ATG4D: variants seen among roughly 807,000 people sequenced by gnomAD.
ATG4D encodes autophagy related 4D cysteine peptidase, also known as cysteine protease ATG4D.
In ATG4D, 51 loss-of-function variants were observed where a neutral mutation model predicts 55.2. The ratio of observed to expected loss-of-function variants is 0.92; its 90% CI spans 0.74 to 1.17. The LOEUF (loss-of-function observed/expected upper bound fraction) is 1.17, where lower values mean the gene tolerates loss of function less well. ATG4D is among the 50% of genes most tolerant of loss of function. The pLI is 0.00. For synonymous variants in ATG4D, 268 were observed against 266.2 expected (o/e 1.01, Z -0.07); for missense variants, 635 against 649.6 (o/e 0.98, Z 0.25).
chr19:10,552,147 TG>T (rs1916278281), intron 8 of ATG4D, 26 bp downstream of exon 8: 1 of 1,611,840 alleles, frequency 6.2e-7, no homozygotes, highest in East Asian at 2.2e-5. Flanking sequence ...AGTGTGTGGT[TG>T]GGGCCATGGC....
Position 10,553,295 on chromosome 19 carries a change from G to C in ATG4D, c.*228G>C. ...TGGCAGGGTAGGGAAGGAGGACCCCGGGCACCCCCCTCAGGGCCTGACTCA... is the reference window on the plus strand; with the variant it reads ...TGGCAGGGTAGGGAAGGAGGACCCCCGGCACCCCCCTCAGGGCCTGACTCA... On this transcript the variant is annotated 3_prime_UTR_variant, in exon 10 of 10. Transcript: ENST00000309469. The C allele has an allele frequency of 1.8e-6, 1 of 543,750 alleles. No individual in the cohort carries two copies. The highest frequency in any genetic ancestry group is 3.1e-5 in the South Asian group (1 of 32,622). 33.7% of individuals were successfully genotyped at this position (543,750 alleles called of 1,614,324 possible). A position where few individuals can be genotyped will look rare whatever the true frequency, so the allele number is the denominator to read the frequency against.
chr19:10,544,803 A>T lies in ATG4D; in HGVS notation c.256A>T (p.Thr86Ser), dbSNP rs1450441649. 6.2e-7 allele frequency: 1 copy of T among 1,614,116 alleles called. No homozygotes were observed. Among genetic ancestry groups the T allele is most frequent in the East Asian group, 2.2e-5 (1 of 44,886 alleles). The change falls in exon 2 of 10, where the codon ACC becomes TCC. Residue 86 changes from threonine (T) to serine (S), a missense_variant. By Grantham distance (58) the Thr-to-Ser change is moderately conservative. Transcript: ENST00000309469. ...VKYGWVVKSR[T>S]SFSKISSIHL... ...CCCAGGTTGGGTGGTTAAAAGCCGG[A>T]CCAGCTTTAGCAAGATCTCCAGCAT...
chr19:10,547,325 T>C (rs1246873939), intron 5 of ATG4D, 72 bp downstream of exon 5: 1 of 1,545,930 alleles, frequency 6.5e-7, no homozygotes, highest in African/African-American at 1.4e-5. Flanking sequence ...ATTCTTAGAG[T>C]GCATCTTCCT....
intron 3 of ATG4D, 100 bp from the exon 4 acceptor site, chr19:10,546,739 C>T (rs537653535): frequency 1.7e-5 from 21 of 1,208,216 alleles, no homozygotes; most frequent in Admixed American, 7.6e-5. Flanking sequence ...TGTTGAATTA[C>T]GGGGTTCAGG....
chr19:10,552,604 TG>T (rs1394763416), intron 9 of ATG4D, among the ~76,000 whole-genome samples: 1 of 152,146 alleles, frequency 6.6e-6, no homozygotes, highest in Admixed American at 6.6e-5. Context: ...TCTACCCTTA[TG>T]GGGGCGAGAG....
Position 10,548,003 on chromosome 19 carries a change from A to ATT in ATG4D, c.835+794_835+795dup, listed in dbSNP as rs60924749. 3.4e-4 allele frequency among the ~76,000 whole-genome samples: 12 copies of ATT among 35,000 alleles called. 3 individuals are homozygous for ATT. Among genetic ancestry groups the ATT allele is most frequent in the Admixed American group, 1.3e-3 (3 of 2,238 alleles). 23.0% of individuals were successfully genotyped at this position (35,000 alleles called of 152,430 possible). A position where few individuals can be genotyped will look rare whatever the true frequency, so the allele number is the denominator to read the frequency against. On this transcript the variant is annotated intron_variant, in intron 5 of 9. Coordinates refer to ENST00000309469, the MANE Select transcript of ATG4D (RefSeq NM_032885.6). Reference sequence around the variant, plus strand: ...TGAGCCACTGTGCCCAGCCCCTGTAATTTTTTTTTTTTTTTTTTTTTTTTT... The same window carrying ATT: ...TGAGCCACTGTGCCCAGCCCCTGTAATTTTTTTTTTTTTTTTTTTTTTTTTTT...
Position 10,544,964 on chromosome 19 carries a change from A to G in ATG4D, c.327A>G (p.Ile109Met). 1 of 1,590,366 alleles carries G rather than the reference A, an allele frequency of 6.3e-7. No homozygotes were observed. The highest frequency in any genetic ancestry group is 8.6e-7 in the Non-Finnish European group (1 of 1,167,384). ...ACAGACCCGCTCTTGTAGGTGACAT[A>G]CAGCGTTTCCAGCGGGACTTTGTGT... ...RRYRFEGEGD[I>M]QRFQRDFVSR... The change falls in exon 3 of 10, where the codon ATA (isoleucine) becomes ATG (methionine). Residue 109 changes from isoleucine to methionine, a missense_variant. Ile to Met is a conservative substitution (Grantham distance 10). Transcript: ENST00000309469.
intron 1 of ATG4D, 37 bp from the exon 2 acceptor site, chr19:10,544,746 C>CTTCA: frequency 6.8e-6 from 11 of 1,611,704 alleles, no homozygotes; most frequent in Non-Finnish European, 8.5e-6. Flanking sequence ...CATGCAAGTG[C>CTTCA]TTCATCTCGC....
chr19:10,544,229 C>G lies in ATG4D; in HGVS notation c.139C>G (p.Pro47Ala), dbSNP rs1915958608. 8.0e-7 allele frequency: 1 copy of G among 1,256,300 alleles called. No homozygotes were observed. Among genetic ancestry groups the G allele is most frequent in the Non-Finnish European group, 1.0e-6 (1 of 992,344 alleles). 77.8% of individuals were successfully genotyped at this position (1,256,300 alleles called of 1,614,324 possible). A position where few individuals can be genotyped will look rare whatever the true frequency, so the allele number is the denominator to read the frequency against. Residue 47 changes from proline (P) to alanine (A), a missense_variant, in exon 1 of 10, where the codon CCC becomes GCC. Pro to Ala is a conservative substitution (Grantham distance 27, BLOSUM62 -1). Coordinates refer to ENST00000309469, the MANE Select transcript of ATG4D (RefSeq NM_032885.6). The part of the protein sequence containing the change: ...NGLGPSGASG[P>A]ALGSPGAGPS... ...CCTGGGGCCTTCCGGAGCCAGCGGC[C>G]CCGCTCTTGGCTCTCCCGGGGCTGG...
chr19:10,551,849 T>TTTGCCAAGCG (rs1328140058), intron 6 of ATG4D, 48 bp from the exon 7 acceptor site: 1 of 1,592,962 alleles, frequency 6.3e-7, no homozygotes, highest in Non-Finnish European at 8.6e-7. Context: ...TTGCCAAGCG[T>TTTGCCAAGCG]TTGTTGAGTG....
At chr19:10,546,471 G>C (rs1916032473) in intron 3 of ATG4D, among the ~76,000 whole-genome samples, 1 of 151,058 alleles carries the variant, frequency 6.6e-6, no homozygotes, top group South Asian at 2.1e-4. Flanking sequence ...TCAGCCTCCT[G>C]AGTAGCTGGG....
At chr19:10,552,167 A>G (rs755064220) in intron 8 of ATG4D, 38 bp from the exon 9 acceptor site, 12 of 1,610,034 alleles carry the variant, frequency 7.5e-6, no homozygotes, top group Non-Finnish European at 2.5e-6. Context: ...GCGGGTGGGC[A>G]GCCCAGCCTC....
At chr19:10,545,236 G>T in intron 3 of ATG4D, 106 bp downstream of exon 3, 1 of 1,426,304 alleles carries the variant, frequency 7.0e-7, no homozygotes, top group Non-Finnish European at 9.5e-7. Flanking sequence ...CGTTAGAATT[G>T]TGTGTCAAGT....
At position 10,552,912 on chromosome 19, in the gene ATG4D, C is replaced by T. The variant is rs769398498; in HGVS notation, c.1270C>T (p.Arg424Trp). ...CCTCAGCTCCTCCTCAGCCACAGAG[C>T]GGTACCCCATGTTCACCCTGGCCGA... is the stretch of plus-strand genomic sequence containing the variant. ...RVLSSSSATERYPMFTLAEGH... is the reference protein window; with the variant it reads ...RVLSSSSATEWYPMFTLAEGH... Residue 424 changes from arginine (R) to tryptophan (W), a missense_variant, in exon 10 of 10, where the codon CGG becomes TGG. Physicochemically the swap from Arg to Trp is moderately radical, Grantham distance 101 (BLOSUM62 -3). Transcript: ENST00000309469. The T allele has an allele frequency of 5.0e-6, 8 of 1,612,716 alleles. No individual in the cohort carries two copies. The highest frequency in any genetic ancestry group is 1.7e-5 in the Admixed American group (1 of 59,974).
intron 6 of ATG4D, among the ~76,000 whole-genome samples, chr19:10,550,512 C>A (rs768517373): frequency 6.6e-6 from 1 of 152,076 alleles, no homozygotes; most frequent in South Asian, 2.1e-4. Context: ...TTCCCAGTGA[C>A]CCACAGAGCC....
At chr19:10,552,689 C>T (rs1916314920) in intron 9 of ATG4D, among the ~76,000 whole-genome samples, 196 bp from the exon 10 acceptor site, 1 of 152,202 alleles carries the variant, frequency 6.6e-6, no homozygotes, top group African/African-American at 2.4e-5. Flanking sequence ...GCAAAAATCC[C>T]AGGACTGTCA....
intron 8 of ATG4D, 22 bp from the exon 9 acceptor site, chr19:10,552,183 C>T (rs537782433): frequency 1.9e-6 from 3 of 1,610,948 alleles, no homozygotes; most frequent in African/African-American, 1.3e-5. Flanking sequence ...GCCTCTGAGC[C>T]TTCCTCGTCT....
At position 10,544,262 on chromosome 19, in the gene ATG4D, G is replaced by A; in HGVS notation, c.172G>A (p.Glu58Lys). ...ALGSPGAGPS[E>K]PDEVDKFKAK... ...TGGCTCTCCCGGGGCTGGCCCGAGT[G>A]AGCCGGACGAAGTGGACAAGTTCAA... is the stretch of plus-strand genomic sequence containing the variant. The change falls in exon 1 of 10, where the codon GAG (glutamate) becomes AAG (lysine). Residue 58 changes from glutamate (E) to lysine (K), a missense_variant. Transcript: ENST00000309469. 7.9e-7 allele frequency: 1 copy of A among 1,269,994 alleles called. No homozygotes were observed. The highest frequency in any genetic ancestry group is 3.5e-5 in the South Asian group (1 of 28,592). The allele number at this position is 1,269,994 out of a possible 1,614,324, so 78.7% of individuals were successfully genotyped here.
chr19:10,546,522 A>AT (rs991719441), intron 3 of ATG4D, among the ~76,000 whole-genome samples: 94 of 142,982 alleles, frequency 6.6e-4, no homozygotes, highest in African/African-American at 1.4e-3. Flanking sequence ...CTTTTTGTAT[A>AT]TTTTTTTTTT....
Sources: allele counts gnomAD v4.1 joint callset (sites outside exome capture counted in the v4.1 genomes callset), GRCh38; gene constraint gnomAD v4.1.1; transcripts MANE v1.5; gene names NCBI Gene and HGNC (gene_info 2026-07-23, HGNC 2026-07-21).